Variants in ATG10 observed in about 807,000 individuals in gnomAD.
ATG10 encodes autophagy related 10.
Under a neutral mutation model 32.1 loss-of-function variants are expected in ATG10, and 30 were observed. The observed-to-expected ratio is 0.94, with a 90% CI of 0.70 to 1.27. The LOEUF (loss-of-function observed/expected upper bound fraction) is 1.27. ATG10 is among the 50% of genes most tolerant of loss of function. The pLI, the probability that ATG10 is intolerant of heterozygous loss-of-function variation, is 0.00. For synonymous variants in ATG10, 87 were observed against 91.5 expected (o/e 0.95, Z 0.28); for missense variants, 233 against 262.3 (o/e 0.89, Z 0.77).
Position 82,252,771 on chromosome 5 carries a change from C to G in ATG10, c.551+112C>G, listed in dbSNP as rs2150032575. Reference sequence around the variant, plus strand: ...AAAGAAATATTAATAATAATAATGGCTAACACAATGATTTTTAGGATATGC... The same window carrying G: ...AAAGAAATATTAATAATAATAATGGGTAACACAATGATTTTTAGGATATGC... On this transcript the variant is annotated intron_variant, in intron 6 of 7. Coordinates refer to ENST00000282185, the MANE Select transcript of ATG10 (RefSeq NM_031482.5). 1.1e-5 allele frequency: 7 copies of G among 655,632 alleles called. No homozygotes were observed. In the South Asian group the frequency reaches 1.5e-4, roughly 14 times the overall value. The allele number at this position is 655,632 out of a possible 1,614,324, so 40.6% of individuals were successfully genotyped here.
chr5:82,000,629 C>T (rs1210470795), intron 2 of ATG10, among the ~76,000 whole-genome samples: 1 of 152,086 alleles, frequency 6.6e-6, no homozygotes, highest in Admixed American at 6.6e-5. Context: ...TTTCAGGATA[C>T]AAAATCAATG....
chr5:82,124,759 G>A (rs1277113157), intron 3 of ATG10, among the ~76,000 whole-genome samples: 2 of 152,044 alleles, frequency 1.3e-5, no homozygotes, highest in Non-Finnish European at 2.9e-5. Flanking sequence ...ATATGTGTGA[G>A]TGTGTCTTTA....
chr5:82,207,508 T>C (rs181468911), intron 5 of ATG10, among the ~76,000 whole-genome samples: 48 of 152,314 alleles, frequency 3.2e-4, no homozygotes, highest in Non-Finnish European at 5.0e-4. Flanking sequence ...TTATAGGAGT[T>C]TTTCACAAAT....
At chr5:82,215,554 G>A (rs368788260) in intron 5 of ATG10, among the ~76,000 whole-genome samples, 5 of 152,200 alleles carry the variant, frequency 3.3e-5, no homozygotes, top group East Asian at 1.9e-4. Context: ...TGAATTAAAT[G>A]TCATGTTTGT....
intron 3 of ATG10, among the ~76,000 whole-genome samples, chr5:82,141,749 C>G (rs997571028): frequency 6.6e-6 from 1 of 151,742 alleles, no homozygotes; most frequent in African/African-American, 2.4e-5. Flanking sequence ...TGTCTTAAGG[C>G]TCATTCTTAC....
chr5:82,144,277 T>G (rs1767261091), intron 3 of ATG10, among the ~76,000 whole-genome samples: 1 of 143,458 alleles, frequency 7.0e-6, no homozygotes, highest in African/African-American at 2.7e-5. Flanking sequence ...AGAATCAGTT[T>G]TGGTTTTCTT....
intron 3 of ATG10, among the ~76,000 whole-genome samples, chr5:82,118,685 T>C (rs1765926760): frequency 1.3e-5 from 2 of 151,964 alleles, no homozygotes; most frequent in Admixed American, 1.3e-4. Flanking sequence ...TTCAAAACAG[T>C]GATCTTGTTT....
At chr5:81,980,788 C>T (rs1470557809) in intron 1 of ATG10, among the ~76,000 whole-genome samples, 6 of 152,060 alleles carry the variant, frequency 3.9e-5, no homozygotes, top group Non-Finnish European at 2.9e-5. Context: ...TGGCCATGCA[C>T]ACTGCACTAC....
intron 3 of ATG10, among the ~76,000 whole-genome samples, chr5:82,143,466 A>G (rs1161101219): frequency 6.6e-6 from 1 of 152,258 alleles, no homozygotes. Context: ...TGGCAGCCAG[A>G]TTGCTCTGTG....
At chr5:82,102,696 T>C (rs1202422804) in intron 3 of ATG10, among the ~76,000 whole-genome samples, 2 of 152,164 alleles carry the variant, frequency 1.3e-5, no homozygotes, top group African/African-American at 4.8e-5. Flanking sequence ...TAAATTGGAC[T>C]ATATATATTT....
chr5:82,040,727 A>G (rs1763059599), intron 2 of ATG10, among the ~76,000 whole-genome samples: 1 of 152,220 alleles, frequency 6.6e-6, no homozygotes, highest in Admixed American at 6.5e-5. Flanking sequence ...TACTTGTTGA[A>G]GAAAAAAGCA....
chr5:82,083,867 T>TG (rs1460293844), intron 3 of ATG10, among the ~76,000 whole-genome samples: 1 of 152,160 alleles, frequency 6.6e-6, no homozygotes, highest in Non-Finnish European at 1.5e-5. Flanking sequence ...ACCACAAAGA[T>TG]GCAGAGAAAC....
At chr5:81,983,470 C>A (rs1166938993) in intron 1 of ATG10, among the ~76,000 whole-genome samples, 1 of 141,314 alleles carries the variant, frequency 7.1e-6, no homozygotes, top group Admixed American at 6.9e-5. Flanking sequence ...TCTGACCCCC[C>A]CCACCTCCCT....
chr5:81,991,066 G>A (rs996330600), intron 2 of ATG10, among the ~76,000 whole-genome samples: 1 of 152,218 alleles, frequency 6.6e-6, no homozygotes, highest in Non-Finnish European at 1.5e-5. Context: ...CTCAGCACAT[G>A]CTATTGAACT....
chr5:82,007,724 C>T (rs1762022536), intron 2 of ATG10, among the ~76,000 whole-genome samples: 3 of 151,972 alleles, frequency 2.0e-5, no homozygotes, highest in South Asian at 2.1e-4. Context: ...AAAGTGTTAA[C>T]GATTACAGCC....
chr5:82,040,842 C>T (rs758051450), intron 2 of ATG10, among the ~76,000 whole-genome samples: 5 of 152,204 alleles, frequency 3.3e-5, no homozygotes, highest in Non-Finnish European at 7.3e-5. Context: ...CAACAAGTCC[C>T]TAGATGATCT....
intron 5 of ATG10, among the ~76,000 whole-genome samples, chr5:82,187,995 C>T (rs1744519980): frequency 1.3e-5 from 2 of 152,184 alleles, no homozygotes; most frequent in Non-Finnish European, 2.9e-5. Context: ...ACAGTGCTTT[C>T]TCATCCAGCT....
chr5:82,155,908 G>T (rs1767780762), intron 3 of ATG10, among the ~76,000 whole-genome samples: 1 of 151,906 alleles, frequency 6.6e-6, no homozygotes, highest in Non-Finnish European at 1.5e-5. Context: ...TTTTGATTAG[G>T]GTTATCAGCC....
chr5:82,224,334 A>G (rs1178752703), intron 5 of ATG10, among the ~76,000 whole-genome samples: 1 of 152,218 alleles, frequency 6.6e-6, no homozygotes, highest in Non-Finnish European at 1.5e-5. Flanking sequence ...CCCAGGCTTC[A>G]GGGTTTATTT....
Sources: gnomAD v4.1 joint callset for allele counts (sites outside exome capture counted in the v4.1 genomes callset) on GRCh38, gnomAD v4.1.1 for gene constraint, MANE v1.5 for transcripts, NCBI Gene and HGNC (gene_info 2026-07-23, HGNC 2026-07-21) for gene names.